The following ERICH3 variants were observed in gnomAD, a reference collection of about 807,000 sequenced individuals.
The protein encoded by ERICH3 is glutamate rich 3.
ERICH3 carries 126 observed loss-of-function variants against 131.1 expected under a neutral mutation model. The ratio of observed to expected loss-of-function variants is 0.96; its 90% CI spans 0.83 to 1.11. The LOEUF is 1.11. Ranked by LOEUF, ERICH3 falls within the 50% of genes most tolerant of loss-of-function variation. The pLI is 0.00. For missense variants in ERICH3, 2,050 were observed against 1,810.7 expected (o/e 1.13, Z -2.40); for synonymous variants, 695 against 644.6 (o/e 1.08, Z -1.18).
chr1:74,605,334 C>T (rs1648335364), intron 10 of ERICH3, among the ~76,000 whole-genome samples: 1 of 151,836 alleles, frequency 6.6e-6, no homozygotes, highest in Non-Finnish European at 1.5e-5. Context: ...TATATATCAG[C>T]AATAACGATT....
intron 11 of ERICH3, among the ~76,000 whole-genome samples, chr1:74,591,093 T>A (rs1015167319): frequency 6.6e-6 from 1 of 152,206 alleles, no homozygotes; most frequent in Non-Finnish European, 1.5e-5. Flanking sequence ...AAGATCTGTG[T>A]ATTTGGCCAG....
intron 12 of ERICH3, among the ~76,000 whole-genome samples, chr1:74,580,532 T>C (rs889686533): frequency 6.6e-6 from 1 of 152,230 alleles, no homozygotes; most frequent in African/African-American, 2.4e-5. Flanking sequence ...ATGAACAATG[T>C]CATCAATAAT....
In ERICH3 at chr1:74,579,987, C is replaced by A. The variant is rs148188614; in HGVS notation, c.2177-3051G>T. 2.0e-3 allele frequency: 1,407 copies of A among 695,364 alleles called. 18 individuals are homozygous for A. In the African/African-American group the frequency reaches 0.025, roughly 12 times the overall value. 43.1% of individuals were successfully genotyped at this position (695,364 alleles called of 1,614,324 possible). A position where few individuals can be genotyped will look rare whatever the true frequency, so the allele number is the denominator to read the frequency against. ...TAAATATCAAAATATTCTTATTTTA[C>A]AATGTCAGCTTTTTAGTATAAAAAC... On this transcript the variant is annotated intron_variant, in intron 12 of 14. Transcript: ENST00000326665.
intron 1 of ERICH3, among the ~76,000 whole-genome samples, chr1:74,660,887 TA>T (rs1289206343): frequency 6.6e-6 from 1 of 151,878 alleles, no homozygotes; most frequent in Non-Finnish European, 1.5e-5. Flanking sequence ...GGCAAATTTT[TA>T]AAAAACTCTC....
chr1:74,590,528 C>T (rs1647542113), intron 11 of ERICH3, among the ~76,000 whole-genome samples: 1 of 152,200 alleles, frequency 6.6e-6, no homozygotes, highest in East Asian at 1.9e-4. Context: ...CAACCTAGAA[C>T]CCTGGCATGT....
At chr1:74,630,840 G>A (rs1449525467) in intron 7 of ERICH3, among the ~76,000 whole-genome samples, 1 of 151,896 alleles carries the variant, frequency 6.6e-6, no homozygotes, top group Non-Finnish European at 1.5e-5. Context: ...TTGGGGATGA[G>A]AGAGAAAACA....
At chr1:74,617,461 A>T (rs1487551963) in intron 8 of ERICH3, among the ~76,000 whole-genome samples, 2 of 152,260 alleles carry the variant, frequency 1.3e-5, no homozygotes, top group Non-Finnish European at 2.9e-5. Context: ...CTAACTGGGG[A>T]ATAAATTTTT....
At position 74,650,834 on chromosome 1, in the gene ERICH3, CTGTGTG is replaced by C. The variant is rs5775252; in HGVS notation, c.24-1525_24-1520del. Among the ~76,000 whole-genome samples, 876 of 145,830 alleles carry C rather than the reference CTGTGTG, an allele frequency of 6.0e-3. 3 individuals carry two copies. Among genetic ancestry groups the C allele is most frequent in the African/African-American group, 0.016 (622 of 39,584 alleles). ...TGAAATCACGGATAAGAGGGGACTA[CTGTGTG>C]TGTGTGTGTGTGTGTGTGTGTGTGT... On this transcript the variant is annotated intron_variant, in intron 1 of 14. Transcript: ENST00000326665.
chr1:74,631,848 G>C lies in ERICH3; in HGVS notation c.684C>G (p.Asn228Lys), dbSNP rs955228914. 11 of 1,613,332 alleles carry C rather than the reference G, an allele frequency of 6.8e-6. No homozygotes were observed. In the Admixed American group the frequency reaches 1.0e-4, roughly 15 times the overall value. The change falls in exon 7 of 15, where the codon AAC becomes AAG. Residue 228 changes from asparagine (N) to lysine (K), a missense_variant. Transcript: ENST00000326665. The part of the protein sequence containing the change: ...RMNSYQLPNI[N>K]SYMMPIPPPL... ...GAGGAGGAATAGGCATCATGTAACT[G>C]TTAATGTTTGGAAGTTGATATGAAT...
chr1:74,614,880 A>G (rs898705190), intron 8 of ERICH3, among the ~76,000 whole-genome samples: 2 of 152,220 alleles, frequency 1.3e-5, no homozygotes, highest in African/African-American at 4.8e-5. Context: ...TGGACTCCTC[A>G]GGTGGTGAAA....
intron 1 of ERICH3, among the ~76,000 whole-genome samples, chr1:74,669,184 C>T (rs1427992306): frequency 1.3e-5 from 2 of 152,170 alleles, no homozygotes; most frequent in African/African-American, 4.8e-5. Flanking sequence ...CTTTACCATG[C>T]TTCAGTGTAC....
At chr1:74,581,881 C>T (rs1647188394) in intron 12 of ERICH3, among the ~76,000 whole-genome samples, 1 of 152,140 alleles carries the variant, frequency 6.6e-6, no homozygotes, top group African/African-American at 2.4e-5. Context: ...GTTTCCAATT[C>T]CAATTCAGTG....
rs1359514278 is a variant in ERICH3, at chr1:74,606,450, C to T, written c.1489+151G>A. On this transcript the variant is annotated intron_variant, in intron 10 of 14. Transcript: ENST00000326665. ...AAGGTAGGTGACACAGGACTCCATA[C>T]AAAACAGCAAAGGAAGGAGGTCAGG... 14 of 766,036 alleles carry T rather than the reference C, an allele frequency of 1.8e-5. No homozygotes were observed. In the East Asian group the frequency reaches 2.7e-4, roughly 15 times the overall value. 47.5% of individuals were successfully genotyped at this position (766,036 alleles called of 1,614,324 possible). A position where few individuals can be genotyped will look rare whatever the true frequency, so the allele number is the denominator to read the frequency against.
intron 1 of ERICH3, among the ~76,000 whole-genome samples, chr1:74,662,659 A>G (rs78656595): frequency 0.031 from 4,660 of 152,280 alleles, 252 homozygotes; most frequent in African/African-American, 0.11. Context: ...ACTTAAAAAC[A>G]AAAGTTAATT....
intron 12 of ERICH3, 104 bp from the exon 13 acceptor site, chr1:74,577,040 A>G (rs1212128237): frequency 2.1e-6 from 2 of 954,802 alleles, no homozygotes; most frequent in African/African-American, 3.4e-5. Flanking sequence ...AAATTCACCT[A>G]GCTGTTCAAC....
intron 6 of ERICH3, among the ~76,000 whole-genome samples, chr1:74,632,618 A>G (rs950291857): frequency 1.1e-4 from 16 of 151,974 alleles, no homozygotes; most frequent in Admixed American, 7.2e-4. Flanking sequence ...GTAACATCAT[A>G]TAAGTCCATC....
In ERICH3 at chr1:74,646,308, C is replaced by T. The variant is rs571478498; in HGVS notation, c.243+359G>A. On this transcript the variant is annotated intron_variant, in intron 3 of 14. Transcript: ENST00000326665. ...TTTTTAGCAAATGGAAATTGAGGTA[C>T]AGATGGTGAGGGCTGGTATGTTTTA... Among the ~76,000 whole-genome samples the T allele has an allele frequency of 1.5e-4, 23 of 152,046 alleles. No individual in the cohort carries two copies. The South Asian group carries it at 1.7e-3, about 11-fold the overall frequency.
At chr1:74,655,986 T>A (rs1428213294) in intron 1 of ERICH3, among the ~76,000 whole-genome samples, 1 of 152,156 alleles carries the variant, frequency 6.6e-6, no homozygotes, top group Admixed American at 6.5e-5. Context: ...CTTTCCCAGT[T>A]CCTTCACTTT....
rs1331253224 is a variant in ERICH3, at chr1:74,571,994, T to C, written c.3716A>G (p.Gln1239Arg). 3 of 1,614,094 alleles carry C rather than the reference T, an allele frequency of 1.9e-6. No homozygotes were observed. The highest frequency in any genetic ancestry group is 2.5e-6 in the Non-Finnish European group (3 of 1,180,030). ...APEGLIPATG[Q>R]AEELAAKDHD... is the part of the protein sequence containing the mutation. ...ATCTTTGGCTGCTAGCTCCTCTGCC[T>C]GGCCTGTGGCTGGGATCAGCCCCTC... Residue 1239 changes from glutamine (Q) to arginine (R), a missense_variant, in exon 14 of 15, where the codon CAG becomes CGG. Physicochemically the swap from Gln to Arg is conservative, Grantham distance 43 (BLOSUM62 1). Transcript: ENST00000326665.
Sources: gnomAD v4.1 joint callset for allele counts (sites outside exome capture counted in the v4.1 genomes callset) on GRCh38, gnomAD v4.1.1 for gene constraint, MANE v1.5 for transcripts, NCBI Gene and HGNC (gene_info 2026-07-23, HGNC 2026-07-21) for gene names.